The following C2CD3 variants were observed in gnomAD, a reference collection of about 807,000 sequenced individuals.
C2CD3 encodes C2 domain containing 3 centriole elongation regulator, also known as C2 domain-containing protein 3.
A neutral mutation model predicts 234.0 loss-of-function variants in C2CD3; 148 were observed. That is an observed-to-expected ratio of 0.63 (90% CI 0.55 to 0.72). C2CD3 has a LOEUF of 0.72. Ranked by LOEUF, C2CD3 falls within the 30% of genes least tolerant of loss-of-function variation. The pLI is 0.00. For missense variants in C2CD3, 2,577 were observed against 2,811.5 expected (o/e 0.92, Z 1.89); for synonymous variants, 1,000 against 1,035.4 (o/e 0.97, Z 0.66).
chr11:74,037,449 A>T (rs368941357), intron 30 of C2CD3, 29 bp downstream of exon 30: 20 of 1,559,612 alleles, frequency 1.3e-5, no homozygotes, highest in African/African-American at 2.7e-5. Flanking sequence ...TGACCATAAC[A>T]TCTCAACAAG....
chr11:74,103,689 A>T, intron 13 of C2CD3, 64 bp from the exon 14 acceptor site: 2 of 1,382,048 alleles, frequency 1.4e-6, no homozygotes, highest in Non-Finnish European at 2.0e-6. Flanking sequence ...TAGAATTTTG[A>T]GGCTGGAAAC....
Position 74,122,996 on chromosome 11 carries a change from T to C in C2CD3, c.1357A>G (p.Thr453Ala), listed in dbSNP as rs1403145718. 4 of 1,613,172 alleles carry C rather than the reference T, an allele frequency of 2.5e-6. No homozygotes were observed. Among genetic ancestry groups the C allele is most frequent in the Admixed American group, 1.7e-5 (1 of 60,002 alleles). ...DQSLLENLFY[T>A]APKSDTSISD... ...CAGGTTCAGTGACTTACAGGTGCTG[T>C]ATAAAATAAATTCTCCAGAAGACTC... Residue 453 changes from threonine to alanine, a missense_variant, in exon 8 of 33, where the codon ACA becomes GCA. Transcript: ENST00000334126.
chr11:74,124,781 C>T (rs1957350685), intron 7 of C2CD3, among the ~76,000 whole-genome samples: 2 of 152,176 alleles, frequency 1.3e-5, no homozygotes, highest in African/African-American at 4.8e-5. Flanking sequence ...ATACACTCCC[C>T]TTTGTATACC....
chr11:74,041,605 T>C (rs1162415651), intron 29 of C2CD3, among the ~76,000 whole-genome samples: 1 of 152,218 alleles, frequency 6.6e-6, no homozygotes, highest in Admixed American at 6.5e-5. Flanking sequence ...GCCACACTTT[T>C]CATTAGATAA....
intron 3 of C2CD3, among the ~76,000 whole-genome samples, chr11:74,157,769 T>A (rs890307696): frequency 9.2e-5 from 14 of 152,194 alleles, no homozygotes; most frequent in Non-Finnish European, 1.6e-4. Flanking sequence ...TAGAAAGTGC[T>A]CCCAATGAGC....
rs181902005 is a variant in C2CD3, at chr11:74,157,648, T to C, written c.483+3751A>G. On this transcript the variant is annotated intron_variant, in intron 3 of 32. Transcript: ENST00000334126. ...TGTTAGATGTTTTTTCCTTATCCTT[T>C]TTAGACTATTTTCTTATTTAGTATT... 3.2e-3 allele frequency among the ~76,000 whole-genome samples: 480 copies of C among 152,326 alleles called. 3 individuals carry two copies. The Middle Eastern group carries it at 0.034, about 11-fold the overall frequency.
intron 22 of C2CD3, among the ~76,000 whole-genome samples, chr11:74,084,262 G>A (rs182947154): frequency 1.3e-5 from 2 of 152,082 alleles, no homozygotes; most frequent in East Asian, 1.9e-4. Flanking sequence ...TTGGACACAC[G>A]GCGGGGAACA....
intron 16 of C2CD3, among the ~76,000 whole-genome samples, chr11:74,097,259 G>A (rs1351865916): frequency 6.6e-6 from 1 of 152,064 alleles, no homozygotes; most frequent in Non-Finnish European, 1.5e-5. Flanking sequence ...TTCCCTGCTA[G>A]AGACATTTAA....
chr11:74,062,282 C>T (rs1172472066), intron 24 of C2CD3, among the ~76,000 whole-genome samples: 4 of 152,188 alleles, frequency 2.6e-5, no homozygotes, highest in African/African-American at 7.2e-5. Context: ...ACCTAATAGA[C>T]AGCTACAGAA....
chr11:74,033,223 G>T, intron 31 of C2CD3, 128 bp downstream of exon 31: 2 of 700,168 alleles, frequency 2.9e-6, no homozygotes, highest in African/African-American at 1.8e-5. Context: ...TGCAGGTGGG[G>T]TCTTCTGAAG....
chr11:74,098,309 G>C (rs1248980640), intron 15 of C2CD3, 54 bp from the exon 16 acceptor site: 3 of 1,547,266 alleles, frequency 1.9e-6, no homozygotes, highest in Non-Finnish European at 2.6e-6. Flanking sequence ...TCATGTCATA[G>C]AGTTATTTCT....
In C2CD3 at chr11:74,034,284, C is replaced by T. The variant is rs992681578; in HGVS notation, c.5882-6G>A. The T allele has an allele frequency of 6.5e-7, 1 of 1,532,328 alleles. No homozygotes were observed. Among genetic ancestry groups the T allele is most frequent in the African/African-American group, 1.4e-5 (1 of 72,936 alleles). 94.9% of individuals were successfully genotyped at this position (1,532,328 alleles called of 1,614,324 possible). A position where few individuals can be genotyped will look rare whatever the true frequency, so the allele number is the denominator to read the frequency against. ...CCTGGTGATAGTCTGCAGATCTGAA[C>T]AGCAACACATATCACTCTTATTACA... On this transcript the variant is annotated splice_region_variant and splice_polypyrimidine_tract_variant and intron_variant, in intron 30 of 32. Transcript: ENST00000334126.
At chr11:74,113,962 C>A (rs944596894) in intron 10 of C2CD3, 70 bp from the exon 11 acceptor site, 1 of 950,356 alleles carries the variant, frequency 1.1e-6, no homozygotes, top group East Asian at 2.5e-5. Flanking sequence ...ATAAATCCAA[C>A]ATATATTTGA....
intron 14 of C2CD3, among the ~76,000 whole-genome samples, chr11:74,101,420 T>A (rs902512971): frequency 6.6e-6 from 1 of 152,012 alleles, no homozygotes. Context: ...AAGTGTGAAA[T>A]TAGAAAAGGG....
chr11:74,150,994 C>T (rs1590946826), intron 3 of C2CD3, among the ~76,000 whole-genome samples: 1 of 151,866 alleles, frequency 6.6e-6, no homozygotes. Context: ...GGCACAATCT[C>T]CGCTCACTGC....
chr11:74,093,821 C>G lies in C2CD3; in HGVS notation c.3339G>C (p.Trp1113Cys). 6.2e-7 allele frequency: 1 copy of G among 1,613,578 alleles called. No homozygotes were observed. Among genetic ancestry groups the G allele is most frequent in the Non-Finnish European group, 8.5e-7 (1 of 1,179,716 alleles). Reference protein sequence around the residue: ...VPGGGVQFEIWCRYYYPNVRD... With the variant: ...VPGGGVQFEICCRYYYPNVRD... ...CTGGGGTCTCCACACTGTACCTGCA[C>G]CAGATTTCAAACTGGACTCCACCTC... is the stretch of plus-strand genomic sequence containing the variant. Residue 1113 changes from tryptophan to cysteine, a missense_variant, in exon 18 of 33, where the codon TGG becomes TGC. Transcript: ENST00000334126.
At chr11:74,034,443 A>T in intron 30 of C2CD3, 165 bp from the exon 31 acceptor site, 2 of 1,539,356 alleles carry the variant, frequency 1.3e-6, no homozygotes, top group Non-Finnish European at 1.7e-6. Flanking sequence ...TCAAGGCGGT[A>T]CAATTTTTAG....
intron 3 of C2CD3, among the ~76,000 whole-genome samples, chr11:74,149,240 A>C (rs1388902839): frequency 6.6e-6 from 1 of 152,208 alleles, no homozygotes; most frequent in Admixed American, 6.5e-5. Flanking sequence ...TGATCTGACT[A>C]CAATTATAGT....
intron 13 of C2CD3, among the ~76,000 whole-genome samples, chr11:74,106,071 T>C (rs1308784017): frequency 2.0e-5 from 3 of 152,228 alleles, no homozygotes; most frequent in Admixed American, 6.5e-5. Flanking sequence ...CTGTTGCACC[T>C]GTTATTCTCT....
Sources: gnomAD v4.1 joint callset for allele counts (sites outside exome capture counted in the v4.1 genomes callset) on GRCh38, gnomAD v4.1.1 for gene constraint, MANE v1.5 for transcripts, NCBI Gene and HGNC (gene_info 2026-07-23, HGNC 2026-07-21) for gene names.